Variants in EFHC2 observed in about 807,000 individuals in gnomAD.
EFHC2 encodes EF-hand domain-containing family member C2.
Under a neutral mutation model 52.7 loss-of-function variants are expected in EFHC2, and 18 were observed. The observed-to-expected ratio is 0.34, with a 90% CI of 0.24 to 0.51. The LOEUF is 0.51. EFHC2 is among the 20% of genes least tolerant of loss of function. The pLI is 0.97. For synonymous variants in EFHC2, 203 were observed against 204.1 expected, an observed-to-expected ratio of 0.99 and a Z score of 0.04; for missense variants, 513 against 562.5, an observed-to-expected ratio of 0.91 and a Z score of 0.89.
intron 11 of EFHC2, among the ~76,000 whole-genome samples, chrX:44,219,585 T>C (rs1173399123): frequency 9.0e-6 from 1 of 111,480 alleles, no homozygotes; most frequent in Non-Finnish European, 1.9e-5. Flanking sequence ...CTGTTTAATC[T>C]TGCCAAATTT....
intron 1 of EFHC2, among the ~76,000 whole-genome samples, chrX:44,342,151 T>G (rs1382995034): frequency 1.8e-5 from 2 of 112,739 alleles, no homozygotes; most frequent in Non-Finnish European, 3.7e-5. Context: ...GGCCAGCCTC[T>G]GCCCATCAAC....
At chrX:44,211,115 C>T (rs2037091618) in intron 11 of EFHC2, among the ~76,000 whole-genome samples, 1 of 112,340 alleles carries the variant, frequency 8.9e-6, no homozygotes, top group Non-Finnish European at 1.9e-5. Flanking sequence ...GATACTACTA[C>T]ACAGCTATTA....
intron 2 of EFHC2, among the ~76,000 whole-genome samples, chrX:44,278,779 C>T (rs1346196363): frequency 8.9e-6 from 1 of 112,087 alleles, no homozygotes; most frequent in Non-Finnish European, 1.9e-5. Context: ...AGATCATATC[C>T]TTTTGTCCTC....
At chrX:44,168,425 A>G (rs999905820) in intron 13 of EFHC2, among the ~76,000 whole-genome samples, 4 of 110,449 alleles carry the variant, frequency 3.6e-5, no homozygotes, top group Non-Finnish European at 5.7e-5. Flanking sequence ...CCAGCTACTC[A>G]GGAGGCTGAG....
chrX:44,260,847 G>A (rs1248268899), intron 4 of EFHC2, among the ~76,000 whole-genome samples: 2 of 112,089 alleles, frequency 1.8e-5, no homozygotes, highest in African/African-American at 6.5e-5. Context: ...CCTACTGCCT[G>A]AAAGAGAGAG....
At chrX:44,157,231 C>A (rs1363799699) in intron 14 of EFHC2, among the ~76,000 whole-genome samples, 1 of 112,225 alleles carries the variant, frequency 8.9e-6, no homozygotes, top group Non-Finnish European at 1.9e-5. Flanking sequence ...TGTAGGGGAG[C>A]CACCTCTGAG....
At chrX:44,203,362 G>A (rs2037021167) in intron 11 of EFHC2, among the ~76,000 whole-genome samples, 1 of 110,628 alleles carries the variant, frequency 9.0e-6, no homozygotes, top group Non-Finnish European at 1.9e-5. Context: ...AGACCTCGGA[G>A]TTACCCTCCC....
chrX:44,232,532 C>A lies in EFHC2; in HGVS notation c.1569G>T (p.Leu523Phe). Residue 523 changes from leucine (L) to phenylalanine (F), a missense_variant, in exon 10 of 15, where the codon TTG becomes TTT. Coordinates refer to ENST00000420999, the MANE Select transcript of EFHC2 (RefSeq NM_025184.4). The stretch of plus-strand genomic sequence containing the variant: ...TTAAGGTATACTCATCAGCATTGAG[C>A]AAACGAAATAGGTAACCATTCACAT... ...TVNVNGYLFRLLNADEYTLNY... is the reference protein window; with the variant it reads ...TVNVNGYLFRFLNADEYTLNY... 8.5e-7 allele frequency: 1 copy of A among 1,181,313 alleles called. No individual in the cohort carries two copies. The highest frequency in any genetic ancestry group is 1.1e-6 in the Non-Finnish European group (1 of 879,438).
chrX:44,269,683 C>G (rs980923237), intron 3 of EFHC2, among the ~76,000 whole-genome samples: 1 of 111,286 alleles, frequency 9.0e-6, no homozygotes, highest in Admixed American at 9.6e-5. Flanking sequence ...GATGCAGAAG[C>G]TGGTGCCATG....
chrX:44,160,063 G>A (rs2036639646), intron 14 of EFHC2, among the ~76,000 whole-genome samples: 1 of 112,213 alleles, frequency 8.9e-6, no homozygotes, highest in African/African-American at 3.2e-5. Flanking sequence ...TGATCGTAGA[G>A]CTAAGGATTT....
At chrX:44,248,557 G>T in intron 6 of EFHC2, 147 bp from the exon 7 acceptor site, 1 of 718,048 alleles carries the variant, frequency 1.4e-6, no homozygotes. Flanking sequence ...GCAACCAGTT[G>T]ATGTTAATAT....
At chrX:44,239,509 G>T (rs935352653) in intron 8 of EFHC2, among the ~76,000 whole-genome samples, 13 of 112,147 alleles carry the variant, frequency 1.2e-4, no homozygotes, top group African/African-American at 4.2e-4. Flanking sequence ...ACTGTTATAT[G>T]TATAGGTTCT....
At position 44,338,507 on chromosome X, in the gene EFHC2, A is replaced by T. The variant is rs1411755603; in HGVS notation, c.42+5040T>A. ...AGCCTGGGAGAAAGAGCAAGACCCT[A>T]TCGCAAAAAAAAAAAGATGGAGATG... On this transcript the variant is annotated intron_variant, in intron 1 of 14. Transcript: ENST00000420999. Among the ~76,000 whole-genome samples the T allele has an allele frequency of 1.4e-4, 15 of 108,601 alleles. No homozygotes were observed. In the Admixed American group the frequency reaches 1.5e-3, roughly 11 times the overall value. The allele number at this position is 108,601 out of a possible 115,157, so 94.3% of individuals were successfully genotyped here. A position where few individuals can be genotyped will look rare whatever the true frequency, so the allele number is the denominator to read the frequency against.
intron 8 of EFHC2, among the ~76,000 whole-genome samples, chrX:44,238,450 C>T (rs760622246): frequency 9.0e-6 from 1 of 111,484 alleles, no homozygotes; most frequent in African/African-American, 3.3e-5. Context: ...AGAAGAAAAT[C>T]AGCTCAAGTC....
chrX:44,342,999 C>T (rs942056988), intron 1 of EFHC2, among the ~76,000 whole-genome samples: 2 of 109,988 alleles, frequency 1.8e-5, no homozygotes, highest in Non-Finnish European at 3.8e-5. Context: ...GAACTCTTAT[C>T]TGCCACCTAC....
At chrX:44,190,643 T>A (rs897926919) in intron 11 of EFHC2, among the ~76,000 whole-genome samples, 1 of 111,067 alleles carries the variant, frequency 9.0e-6, no homozygotes, top group Non-Finnish European at 1.9e-5. Flanking sequence ...ATCCTAAATA[T>A]AGCAGGTTCT....
chrX:44,248,931 C>G lies in EFHC2; in HGVS notation c.859-15G>C. 1 of 1,132,446 alleles carries G rather than the reference C, an allele frequency of 8.8e-7. No homozygotes were observed. Among genetic ancestry groups the G allele is most frequent in the African/African-American group, 1.8e-5 (1 of 56,157 alleles). The allele number at this position is 1,132,446 out of a possible 1,213,427, so 93.3% of individuals were successfully genotyped here. A position where few individuals can be genotyped will look rare whatever the true frequency, so the allele number is the denominator to read the frequency against. On this transcript the variant is annotated splice_polypyrimidine_tract_variant and intron_variant, in intron 5 of 14. Coordinates refer to ENST00000420999, the MANE Select transcript of EFHC2 (RefSeq NM_025184.4). ...GGTGGGCAATTCTGGAAGACAAAATCAAAACAAGATGTGGTAGGATTTAAT... is the reference window on the plus strand; with the variant it reads ...GGTGGGCAATTCTGGAAGACAAAATGAAAACAAGATGTGGTAGGATTTAAT...
chrX:44,306,454 C>G (rs1185632345), intron 2 of EFHC2, among the ~76,000 whole-genome samples: 1 of 111,506 alleles, frequency 9.0e-6, no homozygotes, highest in African/African-American at 3.3e-5. Flanking sequence ...ATGCATATAT[C>G]ATTGGCCAAA....
chrX:44,246,756 C>T (rs1464506332), intron 7 of EFHC2, among the ~76,000 whole-genome samples: 1 of 111,591 alleles, frequency 9.0e-6, no homozygotes, highest in Non-Finnish European at 1.9e-5. Flanking sequence ...TTCCCAAATG[C>T]AACTTTCATA....
Sources: gnomAD v4.1 joint callset for allele counts (sites outside exome capture counted in the v4.1 genomes callset) on GRCh38, gnomAD v4.1.1 for gene constraint, MANE v1.5 for transcripts, NCBI Gene and HGNC (gene_info 2026-07-23, HGNC 2026-07-21) for gene names.